Variants in SCARA5 observed in about 807,000 individuals in gnomAD.
The protein encoded by SCARA5 is scavenger receptor class A member 5.
SCARA5 carries 45 observed loss-of-function variants against 46.3 expected under a neutral mutation model. That is an observed-to-expected ratio of 0.97 (90% CI 0.76 to 1.24). The LOEUF (loss-of-function observed/expected upper bound fraction) is 1.24, where lower values mean the gene tolerates loss of function less well. Among genes scored for constraint, SCARA5 ranks in the 50% most tolerant of loss-of-function variants. The pLI, the probability that SCARA5 is intolerant of heterozygous loss-of-function variation, is 0.00. For synonymous variants in SCARA5, 333 were observed against 306.5 expected (o/e 1.09, Z -0.90); for missense variants, 680 against 689.0 (o/e 0.99, Z 0.15).
intron 4 of SCARA5, 133 bp downstream of exon 4, chr8:27,921,437 TG>T (rs11352750): frequency 0.028 from 19,501 of 707,052 alleles, 1,381 homozygotes; most frequent in African/African-American, 0.23. Flanking sequence ...TTAGAGAGTA[TG>T]GGGCTGGGAA....
intron 3 of SCARA5, among the ~76,000 whole-genome samples, chr8:27,923,095 A>AT (rs1034388477): frequency 6.6e-6 from 1 of 152,252 alleles, no homozygotes; most frequent in Non-Finnish European, 1.5e-5. Context: ...TTTCAGAGCT[A>AT]TTAGCATTGC....
chr8:27,907,736 A>G (rs1351759633), intron 5 of SCARA5, among the ~76,000 whole-genome samples: 1 of 151,870 alleles, frequency 6.6e-6, no homozygotes, highest in Non-Finnish European at 1.5e-5. Flanking sequence ...CGCCCAGCTA[A>G]TATTTGTATT....
intron 3 of SCARA5, among the ~76,000 whole-genome samples, chr8:27,962,324 G>T (rs1808306195): frequency 6.6e-6 from 1 of 152,148 alleles, no homozygotes; most frequent in Admixed American, 6.5e-5. Flanking sequence ...TCTCCATAAG[G>T]TGAAAACAAA....
Position 27,879,772 on chromosome 8 carries a change from G to A in SCARA5, c.1154-6C>T, listed in dbSNP as rs375175516. ...CATCGGGGCCTCCACGCCACCTGCC[G>A]GAGCAGCCAACTGTCACTACCCAGC... is the stretch of plus-strand genomic sequence containing the variant. On this transcript the variant is annotated splice_region_variant and splice_polypyrimidine_tract_variant and intron_variant, in intron 7 of 8. Coordinates refer to ENST00000354914, the MANE Select transcript of SCARA5 (RefSeq NM_173833.6). The A allele has an allele frequency of 9.9e-6, 16 of 1,611,960 alleles. No homozygotes were observed. Among genetic ancestry groups the A allele is most frequent in the African/African-American group, 5.3e-5 (4 of 74,862 alleles).
At chr8:27,977,755 CCG>C (rs771771574) in intron 2 of SCARA5, among the ~76,000 whole-genome samples, 1 of 152,244 alleles carries the variant, frequency 6.6e-6, no homozygotes. Flanking sequence ...CTCCTGATCC[CCG>C]GGTATCACTC....
At chr8:27,892,321 C>T (rs951753599) in intron 7 of SCARA5, among the ~76,000 whole-genome samples, 1 of 152,208 alleles carries the variant, frequency 6.6e-6, no homozygotes, top group Non-Finnish European at 1.5e-5. Context: ...CCCAAATCTC[C>T]TTGCATATCC....
chr8:27,978,387 G>A (rs577476802), intron 2 of SCARA5, among the ~76,000 whole-genome samples: 1 of 152,024 alleles, frequency 6.6e-6, no homozygotes, highest in African/African-American at 2.4e-5. Context: ...AAAATTTCAT[G>A]TGTGGCTCAC....
chr8:27,946,817 G>C (rs554189989), intron 3 of SCARA5, among the ~76,000 whole-genome samples: 130 of 152,194 alleles, frequency 8.5e-4, no homozygotes, highest in Admixed American at 5.0e-3. Flanking sequence ...GGAAGGGGTG[G>C]GCCTTGGGCA....
chr8:27,975,302 C>G (rs967053313), intron 2 of SCARA5, among the ~76,000 whole-genome samples: 1 of 151,944 alleles, frequency 6.6e-6, no homozygotes, highest in Non-Finnish European at 1.5e-5. Context: ...TGCACCTCTT[C>G]CCTCTGTTAT....
rs971873041 is a variant in SCARA5 at position 27,921,854 on chromosome 8, G to C, written c.633C>G (p.Arg211=). The change falls in exon 4 of 9, where the codon CGC becomes CGG. Residue 211 remains arginine (R), a synonymous_variant. Coordinates refer to ENST00000354914, the MANE Select transcript of SCARA5 (RefSeq NM_173833.6). Reference sequence around the variant, plus strand: ...GCTCCTCGCCCAGGATGCCCACCCTGCGCGCCAGCCCGTCCAGCAGGCCCG... The same window carrying C: ...GCTCCTCGCCCAGGATGCCCACCCTCCGCGCCAGCCCGTCCAGCAGGCCCG... The part of the protein sequence containing the change: ...RHAGLLDGLA[R]RVGILGEELA... 18 of 1,526,892 alleles carry C rather than the reference G, an allele frequency of 1.2e-5. No homozygotes were observed. The highest frequency in any genetic ancestry group is 1.6e-5 in the Non-Finnish European group (18 of 1,144,182). 94.6% of individuals were successfully genotyped at this position (1,526,892 alleles called of 1,614,324 possible).
chr8:27,908,546 G>A (rs904300755), intron 5 of SCARA5, among the ~76,000 whole-genome samples: 7 of 152,198 alleles, frequency 4.6e-5, no homozygotes. Context: ...CTGTCTCCCA[G>A]TAATGAATTA....
At chr8:27,918,199 T>A (rs1293714642) in intron 4 of SCARA5, among the ~76,000 whole-genome samples, 1 of 152,118 alleles carries the variant, frequency 6.6e-6, no homozygotes, top group Non-Finnish European at 1.5e-5. Context: ...TAAACCTGGA[T>A]CATTACCAGC....
chr8:27,915,891 G>C (rs1807453188), intron 4 of SCARA5, among the ~76,000 whole-genome samples: 1 of 150,896 alleles, frequency 6.6e-6, no homozygotes, highest in Non-Finnish European at 1.5e-5. Context: ...AGAGCCATCT[G>C]AATGTGACTT....
intron 3 of SCARA5, among the ~76,000 whole-genome samples, chr8:27,934,906 G>A (rs2129854137): frequency 6.6e-6 from 1 of 152,356 alleles, no homozygotes; most frequent in Middle Eastern, 3.4e-3. Context: ...GGCCCAGTTT[G>A]GGCCATCTTA....
chr8:27,935,880 G>A (rs1807847367), intron 3 of SCARA5, among the ~76,000 whole-genome samples: 1 of 152,152 alleles, frequency 6.6e-6, no homozygotes, highest in Admixed American at 6.5e-5. Flanking sequence ...GGAGGTCCTG[G>A]GGACATTCAT....
At chr8:27,883,046 T>C (rs1806836400) in intron 7 of SCARA5, among the ~76,000 whole-genome samples, 2 of 152,240 alleles carry the variant, frequency 1.3e-5, no homozygotes, top group African/African-American at 4.8e-5. Context: ...TCCTGGCCCA[T>C]GGAAACATCA....
intron 3 of SCARA5, among the ~76,000 whole-genome samples, chr8:27,954,237 C>G (rs1265621159): frequency 1.3e-5 from 2 of 152,144 alleles, no homozygotes; most frequent in African/African-American, 4.8e-5. Flanking sequence ...GCCCCTCCAC[C>G]AGGGCAGTCA....
rs150009773 is a variant in SCARA5 at position 27,941,127 on chromosome 8, A to G, written c.242-18882T>C. ...AAAAAAAACCCACAATACGTCTTAT[A>G]TTTACCATGTTTCAAAAGCTGGCAG... On this transcript the variant is annotated intron_variant, in intron 3 of 8. Coordinates refer to ENST00000354914, the MANE Select transcript of SCARA5 (RefSeq NM_173833.6). Among the ~76,000 whole-genome samples, 491 of 152,286 alleles carry G rather than the reference A, an allele frequency of 3.2e-3. 3 individuals carry two copies. Among genetic ancestry groups the G allele is most frequent in the African/African-American group, 0.011 (445 of 41,548 alleles).
intron 3 of SCARA5, 117 bp from the exon 4 acceptor site, chr8:27,922,362 A>AT (rs1807612968): frequency 1.3e-5 from 8 of 626,622 alleles, no homozygotes; most frequent in South Asian, 2.4e-5. Flanking sequence ...TGATAGACGA[A>AT]TAAAATCACA....
Sources: gnomAD v4.1 joint callset for allele counts (sites outside exome capture counted in the v4.1 genomes callset) on GRCh38, gnomAD v4.1.1 for gene constraint, MANE v1.5 for transcripts, NCBI Gene and HGNC (gene_info 2026-07-23, HGNC 2026-07-21) for gene names.